Variants in HCK observed in about 807,000 individuals in gnomAD.
The protein encoded by HCK is tyrosine-protein kinase HCK.
Under a neutral mutation model 70.4 loss-of-function variants are expected in HCK, and 40 were observed. The ratio of observed to expected loss-of-function variants is 0.57; its 90% CI spans 0.44 to 0.74. The LOEUF (loss-of-function observed/expected upper bound fraction) is 0.74. HCK is among the 30% of genes least tolerant of loss of function. HCK has a pLI of 0.00. For missense variants in HCK, 568 were observed against 697.2 expected, an observed-to-expected ratio of 0.81 and a Z score of 2.09; for synonymous variants, 245 against 263.2, an observed-to-expected ratio of 0.93 and a Z score of 0.67.
Position 32,073,747 on chromosome 20 carries a change from G to T in HCK, c.258G>T (p.Leu86=). ...CTGAGGACATCATCGTGGTTGCCCTGTATGATTACGAGGCCATTCACCACG... is the reference window on the plus strand; with the variant it reads ...CTGAGGACATCATCGTGGTTGCCCTTTATGATTACGAGGCCATTCACCACG... Residue 86 remains leucine, a synonymous_variant, in exon 4 of 13, where the codon CTG becomes CTT. Transcript: ENST00000375852. The T allele has an allele frequency of 6.4e-7, 1 of 1,558,718 alleles. No individual in the cohort carries two copies. Among genetic ancestry groups the T allele is most frequent in the African/African-American group, 1.4e-5 (1 of 73,660 alleles).
chr20:32,094,759 AAGAAGGAAAGAAAGAAAGAGAGAGAAAG>A, intron 11 of HCK, among the ~76,000 whole-genome samples: 1 of 128,592 alleles, frequency 7.8e-6, no homozygotes, highest in Non-Finnish European at 1.7e-5. Flanking sequence ...GAAAGAAAGA[AAGAAGGAAAGAAAGAAAGAGAGAGAAAG>A]AGAAAGAAAG....
At chr20:32,094,787 GAGAAAGAA>G (rs71185378) in intron 11 of HCK, among the ~76,000 whole-genome samples, 14,932 of 104,796 alleles carry the variant, frequency 0.14, 1,392 homozygotes, top group Middle Eastern at 0.19. Context: ...GAGAGAGAAA[GAGAAAGAA>G]AGAAAGAAAG....
chr20:32,057,005 G>A (rs2045282603), intron 1 of HCK, among the ~76,000 whole-genome samples: 1 of 152,182 alleles, frequency 6.6e-6, no homozygotes, highest in African/African-American at 2.4e-5. Context: ...TCCACCCGCA[G>A]CGATTATTTT....
rs563923711 is a variant in HCK, at chr20:32,093,328, C to A, written c.1093-535C>A. Among the ~76,000 whole-genome samples the A allele has an allele frequency of 2.0e-5, 3 of 152,274 alleles. No homozygotes were observed. The East Asian group carries it at 5.8e-4, about 29-fold the overall frequency. Reference sequence around the variant, plus strand: ...CTGTTCAAGCAACATGTCTGGCACCCACAAGACACTCAGTGGATTTCTGTT... The same window carrying A: ...CTGTTCAAGCAACATGTCTGGCACCAACAAGACACTCAGTGGATTTCTGTT... On this transcript the variant is annotated intron_variant, in intron 10 of 12. Coordinates refer to ENST00000375852, the MANE Select transcript of HCK (RefSeq NM_002110.5).
At chr20:32,089,182 C>G (rs1376362184) in intron 10 of HCK, among the ~76,000 whole-genome samples, 1 of 152,272 alleles carries the variant, frequency 6.6e-6, no homozygotes, top group Non-Finnish European at 1.5e-5. Flanking sequence ...CTGCCTGCAT[C>G]AGGCTTGCTA....
chr20:32,079,070 T>C (rs1438572596), intron 5 of HCK, among the ~76,000 whole-genome samples: 3 of 152,190 alleles, frequency 2.0e-5, no homozygotes, highest in Non-Finnish European at 4.4e-5. Context: ...TTTTTCCAAC[T>C]GCTCCTCACC....
intron 1 of HCK, among the ~76,000 whole-genome samples, chr20:32,059,800 G>C (rs2122472507): frequency 6.6e-6 from 1 of 152,254 alleles, no homozygotes; most frequent in East Asian, 1.9e-4. Flanking sequence ...ACAGATGTGA[G>C]CCACCATACC....
At position 32,052,363 on chromosome 20, in the gene HCK, C is replaced by T; in HGVS notation, c.-62C>T. On this transcript the variant is annotated 5_prime_UTR_variant, in exon 1 of 13. Transcript: ENST00000375852. ...AAAGCCCCTCAGAGCGTCGCCCCCG[C>T]CTCTAGTTCTAGAAAGTCAGTTTCC... is the stretch of plus-strand genomic sequence containing the variant. 1 of 1,189,586 alleles carries T rather than the reference C, an allele frequency of 8.4e-7. No homozygotes were observed. The highest frequency in any genetic ancestry group is 3.0e-5 in the South Asian group (1 of 33,030). 73.7% of individuals were successfully genotyped at this position (1,189,586 alleles called of 1,614,324 possible).
rs991113416 is a variant in HCK, at chr20:32,095,713, G to A, written c.1246+1697G>A. ...CCACAACTTTGTAAATATTCTGAAA[G>A]CCACGGAATTATACACTTTAAATGG... is the stretch of plus-strand genomic sequence containing the variant. On this transcript the variant is annotated intron_variant, in intron 11 of 12. Transcript: ENST00000375852. Among the ~76,000 whole-genome samples, 201 of 152,214 alleles carry A rather than the reference G, an allele frequency of 1.3e-3. 1 individual carries two copies. The highest frequency in any genetic ancestry group is 4.8e-3 in the African/African-American group (199 of 41,524).
chr20:32,092,108 G>A (rs763667494), intron 10 of HCK, among the ~76,000 whole-genome samples: 5 of 152,104 alleles, frequency 3.3e-5, no homozygotes, highest in Admixed American at 6.5e-5. Context: ...TTGAGAAGCC[G>A]GCCGGTGGTG....
chr20:32,058,325 A>G (rs1364598615), intron 1 of HCK, among the ~76,000 whole-genome samples: 1 of 152,074 alleles, frequency 6.6e-6, no homozygotes, highest in Non-Finnish European at 1.5e-5. Flanking sequence ...TGAGGTCAGG[A>G]GTTCAAGACC....
chr20:32,071,282 G>A (rs2045534783), intron 1 of HCK, among the ~76,000 whole-genome samples: 1 of 152,140 alleles, frequency 6.6e-6, no homozygotes, highest in Non-Finnish European at 1.5e-5. Context: ...GGGGTGGAGG[G>A]GCCAAGGATC....
chr20:32,073,916 C>T (rs1449192930), intron 4 of HCK, 98 bp downstream of exon 4: 7 of 699,018 alleles, frequency 1.0e-5, no homozygotes, highest in Non-Finnish European at 1.8e-5. Flanking sequence ...GATGGGCTAT[C>T]TTATCCTGGG....
intron 6 of HCK, among the ~76,000 whole-genome samples, chr20:32,082,455 A>G (rs2045720860): frequency 6.6e-6 from 1 of 152,088 alleles, no homozygotes; most frequent in African/African-American, 2.4e-5. Flanking sequence ...CAGCCTGGCC[A>G]GCATGGTGAA....
At chr20:32,053,796 A>T (rs1311492030) in intron 1 of HCK, among the ~76,000 whole-genome samples, 1 of 152,124 alleles carries the variant, frequency 6.6e-6, no homozygotes, top group Admixed American at 6.6e-5. Context: ...ACTGCTTGTG[A>T]AAACAGATTG....
intron 12 of HCK, 128 bp from the exon 13 acceptor site, chr20:32,101,189 C>A: frequency 1.3e-6 from 1 of 782,128 alleles, no homozygotes; most frequent in Non-Finnish European, 2.1e-6. Context: ...CTGTCTTTCA[C>A]AGTGGAAGGG....
intron 1 of HCK, among the ~76,000 whole-genome samples, chr20:32,062,842 A>G (rs2045400266): frequency 6.6e-6 from 1 of 152,138 alleles, no homozygotes; most frequent in African/African-American, 2.4e-5. Flanking sequence ...CTGCACCCCC[A>G]AGGCACTGCT....
chr20:32,070,164 C>T (rs2045516960), intron 1 of HCK, among the ~76,000 whole-genome samples: 1 of 152,194 alleles, frequency 6.6e-6, no homozygotes, highest in Non-Finnish European at 1.5e-5. Flanking sequence ...TCTGCCCCCA[C>T]ACTACCCTGG....
At chr20:32,054,301 A>G (rs2045230740) in intron 1 of HCK, 1 of 455,954 alleles carries the variant, frequency 2.2e-6, no homozygotes, top group South Asian at 1.5e-5. Context: ...AACAACACGT[A>G]GGATTGTTTT....
Sources: allele counts gnomAD v4.1 joint callset (sites outside exome capture counted in the v4.1 genomes callset), GRCh38; gene constraint gnomAD v4.1.1; transcripts MANE v1.5; gene names NCBI Gene and HGNC (gene_info 2026-07-23, HGNC 2026-07-21).